The following TSPEAR variants were observed in gnomAD, a reference collection of about 807,000 sequenced individuals.
TSPEAR encodes the protein thrombospondin-type laminin G domain and EAR repeat-containing protein.
TSPEAR carries 69 observed loss-of-function variants against 71.6 expected under a neutral mutation model. That is an observed-to-expected ratio of 0.96 (90% CI 0.79 to 1.18). The LOEUF (loss-of-function observed/expected upper bound fraction) is 1.18. Among genes scored for constraint, TSPEAR ranks in the 50% most tolerant of loss-of-function variants. TSPEAR has a pLI of 0.00. For synonymous variants in TSPEAR, 402 were observed against 387.2 expected (o/e 1.04, Z -0.45); for missense variants, 971 against 894.9 (o/e 1.09, Z -1.09).
intron 1 of TSPEAR, among the ~76,000 whole-genome samples, chr21:44,699,910 G>C (rs991978028): frequency 6.6e-6 from 1 of 152,018 alleles, no homozygotes; most frequent in Non-Finnish European, 1.5e-5. Context: ...ACTCCACCCC[G>C]TCCCCCGCCC....
At chr21:44,639,139 G>A (rs587776208) in intron 1 of TSPEAR, among the ~76,000 whole-genome samples, 2 of 152,208 alleles carry the variant, frequency 1.3e-5, no homozygotes, top group African/African-American at 4.8e-5. Context: ...AGACATTCAG[G>A]GTCCTGGCTC....
intron 8 of TSPEAR, among the ~76,000 whole-genome samples, chr21:44,523,129 G>C (rs937087851): frequency 3.6e-5 from 5 of 139,934 alleles, no homozygotes; most frequent in Admixed American, 6.8e-5. Flanking sequence ...TAGTCAGTCA[G>C]CCAGTCAGTT....
intron 1 of TSPEAR, among the ~76,000 whole-genome samples, chr21:44,703,350 G>A (rs1987749517): frequency 6.6e-6 from 1 of 152,230 alleles, no homozygotes. Context: ...TGACCCTGCT[G>A]CAAATCCAGG....
intron 1 of TSPEAR, among the ~76,000 whole-genome samples, chr21:44,639,752 G>A (rs1428925587): frequency 6.6e-6 from 1 of 152,184 alleles, no homozygotes; most frequent in South Asian, 2.1e-4. Flanking sequence ...GGTCAGAACA[G>A]AGAGCCAGGA....
chr21:44,502,853 G>C lies in TSPEAR; in HGVS notation c.1856+1927C>G, dbSNP rs113585530. ...GGAGGCCGGCCTCGGTGAGCCCTTG[G>C]GGGGAAGCAAGGCTCTGGGAGGAGG... On this transcript the variant is annotated intron_variant, in intron 11 of 11. Coordinates refer to ENST00000323084, the MANE Select transcript of TSPEAR (RefSeq NM_144991.3). Among the ~76,000 whole-genome samples, 193 of 149,010 alleles carry C rather than the reference G, an allele frequency of 1.3e-3. 4 individuals are homozygous for C. The highest frequency in any genetic ancestry group is 4.6e-3 in the African/African-American group (185 of 40,252).
intron 2 of TSPEAR, among the ~76,000 whole-genome samples, chr21:44,560,732 C>G (rs1351069500): frequency 6.6e-6 from 1 of 152,114 alleles, no homozygotes; most frequent in Non-Finnish European, 1.5e-5. Context: ...CTGAATGACT[C>G]CTGGGTAAGT....
intron 1 of TSPEAR, among the ~76,000 whole-genome samples, chr21:44,628,494 G>A (rs1353745307): frequency 3.9e-5 from 6 of 152,070 alleles, no homozygotes; most frequent in East Asian, 3.9e-4. Context: ...GGGGGGCCTC[G>A]GGGGGCTCTT....
intron 1 of TSPEAR, among the ~76,000 whole-genome samples, chr21:44,634,716 A>G (rs1983443815): frequency 6.6e-6 from 1 of 152,222 alleles, no homozygotes; most frequent in Non-Finnish European, 1.5e-5. Context: ...TGGATGATAC[A>G]CGCAGGAAAA....
chr21:44,655,610 C>T (rs1462539310), intron 1 of TSPEAR, among the ~76,000 whole-genome samples: 2 of 152,256 alleles, frequency 1.3e-5, no homozygotes, highest in Non-Finnish European at 2.9e-5. Flanking sequence ...TGATCAGTCT[C>T]ACCCCTGCAG....
At chr21:44,571,947 C>A (rs1306327698) in intron 1 of TSPEAR, among the ~76,000 whole-genome samples, 1 of 152,210 alleles carries the variant, frequency 6.6e-6, no homozygotes, top group Admixed American at 6.5e-5. Context: ...GCGGGCGAGG[C>A]CCCCGGAGGG....
At chr21:44,515,121 G>A (rs797037646) in intron 9 of TSPEAR, among the ~76,000 whole-genome samples, 3 of 152,246 alleles carry the variant, frequency 2.0e-5, no homozygotes, top group African/African-American at 4.8e-5. Context: ...CAAAGCTCAC[G>A]TTCATGAAAG....
Position 44,506,031 on chromosome 21 carries a change from T to C in TSPEAR, c.1755-1150A>G, listed in dbSNP as rs1356374469. On this transcript the variant is annotated intron_variant, in intron 10 of 11. Coordinates refer to ENST00000323084, the MANE Select transcript of TSPEAR (RefSeq NM_144991.3). The surrounding 1 kb of genome is among the most constrained non-coding windows in gnomAD (Gnocchi z 4.2). ...TGTGCCTGGTTTCTTCTCTCAGCAT[T>C]GTGTCTTCAGCTGTGAGGTCAGCGG... Among the ~76,000 whole-genome samples, 2 of 152,178 alleles carry C rather than the reference T, an allele frequency of 1.3e-5. No individual in the cohort carries two copies. Among genetic ancestry groups the C allele is most frequent in the Non-Finnish European group, 2.9e-5 (2 of 68,026 alleles).
chr21:44,635,262 C>T (rs1177090781), intron 1 of TSPEAR, among the ~76,000 whole-genome samples: 1 of 144,826 alleles, frequency 6.9e-6, no homozygotes, highest in African/African-American at 2.6e-5. Flanking sequence ...AGGAGAATCA[C>T]TTGTACCCGG....
intron 1 of TSPEAR, chr21:44,574,151 G>A: frequency 6.3e-7 from 1 of 1,595,462 alleles, no homozygotes; most frequent in African/African-American, 1.4e-5. Context: ...TCTGCTGTGG[G>A]GATTCTTCAT....
At chr21:44,596,761 C>T (rs754762042) in intron 1 of TSPEAR, among the ~76,000 whole-genome samples, 7 of 152,268 alleles carry the variant, frequency 4.6e-5, no homozygotes, top group South Asian at 2.1e-4. Flanking sequence ...GGGCTGAGCA[C>T]GTTTTCTCAT....
In TSPEAR at chr21:44,540,984, T is replaced by A. The variant is rs181271872; in HGVS notation, c.304-7061A>T. Among the ~76,000 whole-genome samples the A allele has an allele frequency of 2.6e-3, 396 of 152,230 alleles. 2 individuals carry two copies. Among genetic ancestry groups the A allele is most frequent in the African/African-American group, 9.0e-3 (373 of 41,542 alleles). The stretch of plus-strand genomic sequence containing the variant: ...TATCAATATTCTTAAATTTATTTTT[T>A]TTTTTTTTTGTACAGATGGCGTCTC... On this transcript the variant is annotated intron_variant, in intron 2 of 11. Coordinates refer to ENST00000323084, the MANE Select transcript of TSPEAR (RefSeq NM_144991.3).
At chr21:44,532,080 G>T (rs1387303365) in intron 3 of TSPEAR, among the ~76,000 whole-genome samples, 5 of 152,224 alleles carry the variant, frequency 3.3e-5, no homozygotes, top group Non-Finnish European at 7.3e-5. Flanking sequence ...CTAGGGTCCA[G>T]GCTGCTGGCC....
chr21:44,645,330 G>T (rs1555939287), intron 1 of TSPEAR, among the ~76,000 whole-genome samples: 1 of 150,562 alleles, frequency 6.6e-6, no homozygotes, highest in Admixed American at 6.6e-5. Context: ...CTTACAAGGT[G>T]TGAGGGATCG....
chr21:44,661,607 A>G (rs962994108), intron 1 of TSPEAR, among the ~76,000 whole-genome samples: 1 of 152,190 alleles, frequency 6.6e-6, no homozygotes, highest in East Asian at 1.9e-4. Context: ...TAAAGAAAGG[A>G]GGTTTAATTG....
Sources: gnomAD v4.1 joint callset for allele counts (sites outside exome capture counted in the v4.1 genomes callset) on GRCh38, gnomAD v4.1.1 for gene constraint, Gnocchi (gnomAD v3.1) non-coding constraint, MANE v1.5 for transcripts, NCBI Gene and HGNC (gene_info 2026-07-23, HGNC 2026-07-21) for gene names.